The following CNTN5 variants were observed in gnomAD, a reference collection of about 807,000 sequenced individuals.
CNTN5 encodes the protein contactin 5, also known as contactin-5.
In CNTN5, 77 loss-of-function variants were observed where a neutral mutation model predicts 129.1. The observed-to-expected ratio is 0.60, with a 90% confidence interval of 0.50 to 0.72. CNTN5 has a LOEUF of 0.72. CNTN5 is among the 30% of genes least tolerant of loss of function. The pLI, the probability that CNTN5 is intolerant of heterozygous loss-of-function variation, is 0.00. For synonymous variants in CNTN5, 509 were observed against 465.6 expected (o/e 1.09, Z -1.20); for missense variants, 1,478 against 1,328.8 (o/e 1.11, Z -1.75).
rs551794249 is a variant in CNTN5 at position 99,989,850 on chromosome 11, C to T, written c.878-12184C>T. ...GCACGATCTGGGCTCACTGCAACCT[C>T]CGCCTCCTGGGTTCAAGCAATTCTC... On this transcript the variant is annotated intron_variant, in intron 8 of 24. Coordinates refer to ENST00000524871, the MANE Select transcript of CNTN5 (RefSeq NM_014361.4). Among the ~76,000 whole-genome samples the T allele has an allele frequency of 2.9e-4, 44 of 152,282 alleles. 1 individual carries two copies. The South Asian group carries it at 9.1e-3, about 32-fold the overall frequency.
rs111267307 is a variant in CNTN5, at chr11:99,792,538, GGT to G, written c.56-26969_56-26968del. Among the ~76,000 whole-genome samples the G allele has an allele frequency of 2.8e-3, 353 of 127,798 alleles. 3 individuals are homozygous for G. Among genetic ancestry groups the G allele is most frequent in the Middle Eastern group, 8.3e-3 (2 of 242 alleles). 83.8% of individuals were successfully genotyped at this position (127,798 alleles called of 152,430 possible). On this transcript the variant is annotated intron_variant, in intron 3 of 24. Transcript: ENST00000524871. ...TATTGAGGATATTGGCCTGAAGAGG[GGT>G]GTGTGTGTGTGTGTGTGTGTGTGTG...
At chr11:99,412,267 A>C (rs1942432139) in intron 2 of CNTN5, among the ~76,000 whole-genome samples, 1 of 152,186 alleles carries the variant, frequency 6.6e-6, no homozygotes, top group South Asian at 2.1e-4. Flanking sequence ...CAGGGAAAAC[A>C]AAGGTGAATA....
At chr11:99,107,591 C>G (rs573150632) in intron 1 of CNTN5, among the ~76,000 whole-genome samples, 17 of 151,886 alleles carry the variant, frequency 1.1e-4, no homozygotes, top group South Asian at 6.2e-4. Context: ...TTGCAATGAG[C>G]TTAAAGTTTA....
chr11:99,688,696 T>C (rs2134764145), intron 3 of CNTN5, among the ~76,000 whole-genome samples: 1 of 152,228 alleles, frequency 6.6e-6, no homozygotes, highest in African/African-American at 2.4e-5. Context: ...TACACAGTCA[T>C]CCCATCACCG....
chr11:99,722,874 C>T (rs538301728), intron 3 of CNTN5, among the ~76,000 whole-genome samples: 1 of 151,996 alleles, frequency 6.6e-6, no homozygotes, highest in African/African-American at 2.4e-5. Flanking sequence ...TATACCTCAA[C>T]TCTCCGGGAA....
chr11:99,158,663 A>T (rs117675113), intron 1 of CNTN5, among the ~76,000 whole-genome samples: 7,161 of 152,260 alleles, frequency 0.047, 195 homozygotes, highest in Middle Eastern at 0.065. Flanking sequence ...CAATAGGAGA[A>T]CAAATTTCCT....
Position 99,778,505 on chromosome 11 carries a change from G to A in CNTN5, c.56-41039G>A, listed in dbSNP as rs191403253. On this transcript the variant is annotated intron_variant, in intron 3 of 24. Transcript: ENST00000524871. ...AAAAGCTCTTATTCCTCTATTCTGT[G>A]GGGAATTGGTTCTTATTCCCCATCA... Among the ~76,000 whole-genome samples the A allele has an allele frequency of 5.9e-5, 9 of 151,766 alleles. No individual in the cohort carries two copies. In the East Asian group the frequency reaches 9.8e-4, roughly 16 times the overall value.
chr11:100,030,358 G>T (rs576540238), intron 9 of CNTN5, among the ~76,000 whole-genome samples: 2 of 152,190 alleles, frequency 1.3e-5, no homozygotes, highest in African/African-American at 4.8e-5. Flanking sequence ...CTGGGCAGCA[G>T]AGCAAGACCT....
chr11:100,093,573 G>T lies in CNTN5; in HGVS notation c.1580+19279G>T, dbSNP rs112461866. Among the ~76,000 whole-genome samples, 472 of 152,072 alleles carry T rather than the reference G, an allele frequency of 3.1e-3. 1 individual carries two copies. Among genetic ancestry groups the T allele is most frequent in the Admixed American group, 5.4e-3 (83 of 15,242 alleles). On this transcript the variant is annotated intron_variant, in intron 13 of 24. Coordinates refer to ENST00000524871, the MANE Select transcript of CNTN5 (RefSeq NM_014361.4). ...TGAGCCACTGTGCCTGGCCCAAGTT[G>T]CAAGTTTTCAGGTGCACACCCCTAT...
chr11:99,233,130 G>T (rs1861088156), intron 1 of CNTN5, among the ~76,000 whole-genome samples: 1 of 152,106 alleles, frequency 6.6e-6, no homozygotes, highest in African/African-American at 2.4e-5. Context: ...CTACATGGCT[G>T]CATTTAATTT....
chr11:100,220,703 T>G (rs933934123), intron 15 of CNTN5, among the ~76,000 whole-genome samples: 2 of 152,180 alleles, frequency 1.3e-5, no homozygotes, highest in Non-Finnish European at 2.9e-5. Flanking sequence ...TTACTCACAT[T>G]ATCATATTGA....
chr11:99,268,083 G>T (rs1862993644), intron 1 of CNTN5, among the ~76,000 whole-genome samples: 1 of 151,878 alleles, frequency 6.6e-6, no homozygotes, highest in South Asian at 2.1e-4. Context: ...TCACTCTGCT[G>T]TTTGCTAGCT....
chr11:100,075,268 C>T (rs1002243855), intron 13 of CNTN5, among the ~76,000 whole-genome samples: 2 of 152,024 alleles, frequency 1.3e-5, no homozygotes, highest in African/African-American at 4.8e-5. Context: ...TCAGATTAAA[C>T]AATTTTTGGA....
At chr11:99,109,126 T>C (rs1224722598) in intron 1 of CNTN5, among the ~76,000 whole-genome samples, 1 of 151,788 alleles carries the variant, frequency 6.6e-6, no homozygotes, top group Admixed American at 6.6e-5. Context: ...CATGTCTATA[T>C]GTATATATAC....
Position 100,299,337 on chromosome 11 carries a change from A to G in CNTN5, c.2561A>G (p.Tyr854Cys). 1 of 1,610,620 alleles carries G rather than the reference A, an allele frequency of 6.2e-7. No individual in the cohort carries two copies. Among genetic ancestry groups the G allele is most frequent in the South Asian group, 1.1e-5 (1 of 91,014 alleles). The change falls in exon 20 of 25, where the codon TAT (tyrosine) becomes TGT (cysteine). Residue 854 changes from tyrosine to cysteine, a missense_variant. Physicochemically the swap from Tyr to Cys is radical, Grantham distance 194. Coordinates refer to ENST00000524871, the MANE Select transcript of CNTN5 (RefSeq NM_014361.4). ...CCCTTTGAAGTGAAAGTTGGCGTTT[A>G]TAACAATAAAGGAGATGGGCCTTTT... ...LTPFEVKVGVYNNKGDGPFSQ... is the reference protein window; with the variant it reads ...LTPFEVKVGVCNNKGDGPFSQ...
At chr11:99,882,362 C>T (rs571905168) in intron 6 of CNTN5, among the ~76,000 whole-genome samples, 3 of 152,208 alleles carry the variant, frequency 2.0e-5, no homozygotes, top group East Asian at 3.9e-4. Context: ...CCTATGCACC[C>T]ACCCCTCCAA....
chr11:99,390,628 A>G (rs917023036), intron 2 of CNTN5, among the ~76,000 whole-genome samples: 1 of 152,192 alleles, frequency 6.6e-6, no homozygotes, highest in Non-Finnish European at 1.5e-5. Context: ...TAATTAAAGA[A>G]TAGTTTGTAC....
At chr11:100,208,578 A>C (rs558247191) in intron 15 of CNTN5, among the ~76,000 whole-genome samples, 10 of 152,298 alleles carry the variant, frequency 6.6e-5, no homozygotes, top group African/African-American at 2.4e-4. Context: ...ATAAGGCCAT[A>C]CCAGATTTAA....
intron 6 of CNTN5, among the ~76,000 whole-genome samples, chr11:99,890,667 G>A (rs915679446): frequency 5.9e-5 from 9 of 151,966 alleles, no homozygotes; most frequent in African/African-American, 1.7e-4. Context: ...AAGATACTCC[G>A]CCCTCATGGA....
Sources: allele counts gnomAD v4.1 joint callset (sites outside exome capture counted in the v4.1 genomes callset), GRCh38; gene constraint gnomAD v4.1.1; transcripts MANE v1.5; gene names NCBI Gene and HGNC (gene_info 2026-07-23, HGNC 2026-07-21).